Variants in CCDC60 observed in about 807,000 individuals in gnomAD.
CCDC60 encodes coiled-coil domain containing 60, also known as coiled-coil domain-containing protein 60.
A neutral mutation model predicts 63.5 loss-of-function variants in CCDC60; 54 were observed. The observed-to-expected ratio is 0.85, with a 90% confidence interval of 0.68 to 1.07. CCDC60 has a LOEUF of 1.07. Among genes scored for constraint, CCDC60 ranks in the 50% least tolerant of loss-of-function variants. The pLI, the probability that CCDC60 is intolerant of heterozygous loss-of-function variation, is 0.00. For missense variants in CCDC60, 651 were observed against 684.3 expected (o/e 0.95, Z 0.54); for synonymous variants, 206 against 238.8 (o/e 0.86, Z 1.27).
chr12:119,363,237 G>A (rs1592992505), intron 1 of CCDC60, among the ~76,000 whole-genome samples: 1 of 152,246 alleles, frequency 6.6e-6, no homozygotes. Context: ...AGTGTGTAGT[G>A]ATACCTCATC....
chr12:119,422,431 G>A (rs1956829743), intron 1 of CCDC60, among the ~76,000 whole-genome samples: 1 of 152,214 alleles, frequency 6.6e-6, no homozygotes, highest in South Asian at 2.1e-4. Flanking sequence ...TTCGCAGGCT[G>A]CACAGGAAGC....
intron 7 of CCDC60, among the ~76,000 whole-genome samples, chr12:119,513,540 T>G (rs1367057261): frequency 6.6e-6 from 1 of 152,208 alleles, no homozygotes; most frequent in African/African-American, 2.4e-5. Context: ...TATATATCTC[T>G]CTTTCCTACT....
At chr12:119,491,620 G>T (rs1951586798) in intron 5 of CCDC60, among the ~76,000 whole-genome samples, 1 of 152,136 alleles carries the variant, frequency 6.6e-6, no homozygotes. Context: ...GAGCCACTGT[G>T]CCCGGCCCCT....
intron 1 of CCDC60, among the ~76,000 whole-genome samples, chr12:119,344,895 A>ACACACAAT (rs1394137885): frequency 8.7e-6 from 1 of 114,844 alleles, no homozygotes; most frequent in Non-Finnish European, 2.0e-5. Context: ...ACACACACAC[A>ACACACAAT]CACAATCTCT....
chr12:119,424,702 G>A (rs1956871520), intron 1 of CCDC60, among the ~76,000 whole-genome samples: 1 of 152,056 alleles, frequency 6.6e-6, no homozygotes, highest in African/African-American at 2.4e-5. Flanking sequence ...ATCAAATGAT[G>A]TTTGTAAATG....
chr12:119,453,310 CCTT>C (rs2136286740), intron 2 of CCDC60, among the ~76,000 whole-genome samples: 1 of 152,278 alleles, frequency 6.6e-6, no homozygotes, highest in East Asian at 1.9e-4. Context: ...CCCTCCTCCT[CCTT>C]TTCTTCCATC....
intron 1 of CCDC60, among the ~76,000 whole-genome samples, chr12:119,407,812 G>T (rs1007736737): frequency 5.9e-5 from 9 of 151,998 alleles, no homozygotes; most frequent in Non-Finnish European, 1.0e-4. Flanking sequence ...CAAACAGTTA[G>T]CAAATGGCAG....
chr12:119,348,757 G>T (rs1457124266), intron 1 of CCDC60, among the ~76,000 whole-genome samples: 5 of 152,138 alleles, frequency 3.3e-5, no homozygotes, highest in Admixed American at 2.6e-4. Flanking sequence ...AGGCTCTTTT[G>T]TCCAGAAAAA....
chr12:119,536,015 T>G (rs1465908121), intron 13 of CCDC60, among the ~76,000 whole-genome samples: 1 of 152,106 alleles, frequency 6.6e-6, no homozygotes, highest in Non-Finnish European at 1.5e-5. Flanking sequence ...GACAGTGGGG[T>G]GTTAAAGTCT....
intron 1 of CCDC60, among the ~76,000 whole-genome samples, chr12:119,408,505 G>C (rs1263407436): frequency 6.6e-6 from 1 of 152,152 alleles, no homozygotes; most frequent in South Asian, 2.1e-4. Context: ...TGGTGCAAAC[G>C]TAGTTGTGGT....
chr12:119,429,071 G>A (rs779439778), intron 2 of CCDC60: 36 of 269,402 alleles, frequency 1.3e-4, no homozygotes, highest in Non-Finnish European at 2.2e-4. Context: ...TTTTACTCCA[G>A]ACACACGTGA....
intron 2 of CCDC60, among the ~76,000 whole-genome samples, chr12:119,430,554 C>A (rs1353222593): frequency 6.6e-6 from 1 of 151,312 alleles, no homozygotes; most frequent in Non-Finnish European, 1.5e-5. Flanking sequence ...GTAGTCCCAG[C>A]TACTCGGGAG....
chr12:119,519,105 T>C (rs1278021373), intron 8 of CCDC60, among the ~76,000 whole-genome samples: 3 of 152,172 alleles, frequency 2.0e-5, no homozygotes, highest in Non-Finnish European at 4.4e-5. Context: ...GCAGATTCTC[T>C]TTTGCCCCTC....
At chr12:119,530,852 T>A (rs746177249) in intron 12 of CCDC60, 22 bp from the exon 13 acceptor site, 17 of 1,604,580 alleles carry the variant, frequency 1.1e-5, no homozygotes, top group Non-Finnish European at 1.4e-5. Flanking sequence ...TCCTAACTTG[T>A]CCTCTCCTTT....
At chr12:119,413,314 AAG>A (rs751617539) in intron 1 of CCDC60, among the ~76,000 whole-genome samples, 3 of 152,146 alleles carry the variant, frequency 2.0e-5, no homozygotes, top group African/African-American at 4.8e-5. Flanking sequence ...GAGGCAGAGA[AAG>A]AGATTAAAAG....
At chr12:119,380,337 G>A (rs567973255) in intron 1 of CCDC60, among the ~76,000 whole-genome samples, 1 of 152,304 alleles carries the variant, frequency 6.6e-6, no homozygotes, top group East Asian at 1.9e-4. Context: ...GCCATGATGG[G>A]AATATTTACA....
chr12:119,434,042 G>A (rs7306893), intron 2 of CCDC60, among the ~76,000 whole-genome samples: 86,009 of 152,050 alleles, frequency 0.57, 24,596 homozygotes, highest in East Asian at 0.75. Flanking sequence ...CATCTCTGCA[G>A]TGAAAACAAC....
chr12:119,384,593 C>T (rs1038891542), intron 1 of CCDC60, among the ~76,000 whole-genome samples: 10 of 152,212 alleles, frequency 6.6e-5, no homozygotes, highest in African/African-American at 2.2e-4. Flanking sequence ...CCATTCCCTG[C>T]GAGCTCCGGG....
chr12:119,369,533 G>T (rs1271002759), intron 1 of CCDC60, among the ~76,000 whole-genome samples: 1 of 152,192 alleles, frequency 6.6e-6, no homozygotes, highest in Non-Finnish European at 1.5e-5. Flanking sequence ...AAATCATCTT[G>T]CCAGAGAAAC....
Sources: gnomAD v4.1 joint callset for allele counts (sites outside exome capture counted in the v4.1 genomes callset) on GRCh38, gnomAD v4.1.1 for gene constraint, MANE v1.5 for transcripts, NCBI Gene and HGNC (gene_info 2026-07-23, HGNC 2026-07-21) for gene names.